RMDN2: variants seen among roughly 807,000 people sequenced by gnomAD.
The protein encoded by RMDN2 is regulator of microtubule dynamics 2, also known as regulator of microtubule dynamics protein 2.
In RMDN2, 61 loss-of-function variants were observed where a neutral mutation model predicts 52.8. The ratio of observed to expected loss-of-function variants is 1.16; its 90% CI spans 0.94 to 1.43. RMDN2 has a LOEUF of 1.43. Ranked by LOEUF, RMDN2 falls within the 40% of genes most tolerant of loss-of-function variation. The pLI is 0.00. For missense variants in RMDN2, 592 were observed against 475.3 expected (o/e 1.25, Z -2.28); for synonymous variants, 180 against 153.1 (o/e 1.18, Z -1.30).
Position 37,929,218 on chromosome 2 carries a change from A to G in RMDN2, c.-16-44A>G, listed in dbSNP as rs995213877. The G allele has an allele frequency of 2.5e-6, 3 of 1,178,190 alleles. No homozygotes were observed. The African/African-American group carries it at 4.7e-5, about 18-fold the overall frequency. 73.0% of individuals were successfully genotyped at this position (1,178,190 alleles called of 1,614,324 possible). ...AGCACCTATATTTTTGTCTTGGACA[A>G]AGACATAAACAACATTCATTTACAT... On this transcript the variant is annotated intron_variant, in intron 1 of 10. Coordinates refer to ENST00000354545, the MANE Select transcript of RMDN2 (RefSeq NM_001170791.3).
chr2:37,924,489 C>G (rs149788287), upstream of RMDN2, among the ~76,000 whole-genome samples: 1,049 of 152,364 alleles, frequency 6.9e-3, 7 homozygotes, highest in Non-Finnish European at 0.011. Flanking sequence ...CTCATCCTCC[C>G]AAGTAGCTGG....
intron 10 of RMDN2, among the ~76,000 whole-genome samples, chr2:38,035,520 A>T (rs1426918787): frequency 2.0e-5 from 3 of 152,204 alleles, no homozygotes; most frequent in African/African-American, 7.2e-5. Flanking sequence ...AACAATACCT[A>T]CCAGATAAGA....
At chr2:38,067,040 G>A (rs1337471287) in exon 11 of RMDN2, 1 of 1,596,734 alleles carries the variant, frequency 6.3e-7, no homozygotes, top group Non-Finnish European at 8.6e-7. Context: ...ATCTGTGAGT[G>A]TGGCACAGTG....
intron 7 of RMDN2, among the ~76,000 whole-genome samples, chr2:37,994,708 C>T (rs943493533): frequency 6.6e-6 from 1 of 151,828 alleles, no homozygotes; most frequent in Non-Finnish European, 1.5e-5. Flanking sequence ...CAAGTACCAG[C>T]GAGGATATAG....
chr2:37,937,504 C>T (rs572797933), intron 2 of RMDN2, among the ~76,000 whole-genome samples: 25 of 152,246 alleles, frequency 1.6e-4, no homozygotes, highest in African/African-American at 6.0e-4. Context: ...GCCATTTTCA[C>T]AATATTGATT....
At chr2:37,990,531 A>G (rs1245299299) in intron 6 of RMDN2, among the ~76,000 whole-genome samples, 1 of 150,600 alleles carries the variant, frequency 6.6e-6, no homozygotes, top group African/African-American at 2.4e-5. Flanking sequence ...AAAAAAAAAA[A>G]AAAAAAAAAA....
intron 6 of RMDN2, among the ~76,000 whole-genome samples, chr2:37,990,717 T>C (rs901346178): frequency 1.3e-5 from 2 of 152,056 alleles, no homozygotes; most frequent in African/African-American, 4.8e-5. Flanking sequence ...AGTATTTGCC[T>C]CCATAGCTCA....
chr2:38,013,048 C>T (rs1315977798), intron 10 of RMDN2, among the ~76,000 whole-genome samples: 3 of 152,172 alleles, frequency 2.0e-5, no homozygotes, highest in Non-Finnish European at 4.4e-5. Context: ...GCTTTACATT[C>T]CCAGAATTTG....
At chr2:38,055,100 ACTCCTT>A (rs1681804910) in intron 10 of RMDN2, among the ~76,000 whole-genome samples, 1 of 151,374 alleles carries the variant, frequency 6.6e-6, no homozygotes, top group South Asian at 2.1e-4. Flanking sequence ...TTCAAATCCC[ACTCCTT>A]CTCTATTTCC....
intron 8 of RMDN2, among the ~76,000 whole-genome samples, chr2:37,999,705 G>A (rs185693566): frequency 1.3e-3 from 191 of 152,098 alleles, no homozygotes; most frequent in South Asian, 3.5e-3. Flanking sequence ...TGCAACCCCC[G>A]GGTCCTACAA....
chr2:38,035,679 T>A (rs921873476), intron 10 of RMDN2, among the ~76,000 whole-genome samples: 12 of 152,096 alleles, frequency 7.9e-5, no homozygotes, highest in Admixed American at 7.2e-4. Context: ...AATAAATGAG[T>A]CCCTGGAAGA....
At chr2:37,991,840 C>G (rs555434005) in intron 7 of RMDN2, among the ~76,000 whole-genome samples, 90 of 152,256 alleles carry the variant, frequency 5.9e-4, no homozygotes, top group African/African-American at 2.1e-3. Flanking sequence ...ATATATAGCT[C>G]AAATAAAAGC....
At chr2:38,049,194 G>C (rs1026597293) in intron 10 of RMDN2, among the ~76,000 whole-genome samples, 3 of 152,202 alleles carry the variant, frequency 2.0e-5, no homozygotes, top group Non-Finnish European at 4.4e-5. Context: ...GAGCAAGTCA[G>C]ACCTGGAAAG....
intron 10 of RMDN2, among the ~76,000 whole-genome samples, chr2:38,006,132 A>G (rs1040658916): frequency 2.6e-5 from 4 of 152,206 alleles, no homozygotes; most frequent in Non-Finnish European, 5.9e-5. Flanking sequence ...GAAGTCTGGT[A>G]GCATGATGCC....
intron 4 of RMDN2, among the ~76,000 whole-genome samples, chr2:37,980,638 A>G (rs969999282): frequency 6.6e-6 from 1 of 152,170 alleles, no homozygotes; most frequent in Admixed American, 6.5e-5. Flanking sequence ...AAATTCCTCT[A>G]AAACTAAGTA....
upstream of RMDN2, among the ~76,000 whole-genome samples, chr2:37,925,000 G>A (rs528647863): frequency 3.3e-5 from 5 of 152,308 alleles, no homozygotes; most frequent in East Asian, 9.7e-4. Flanking sequence ...GGAACGAAGC[G>A]AGCTGGCGGT....
intron 10 of RMDN2, among the ~76,000 whole-genome samples, chr2:38,008,405 A>G (rs563806601): frequency 6.6e-6 from 1 of 152,234 alleles, no homozygotes; most frequent in South Asian, 2.1e-4. Context: ...TTGGGTGCAT[A>G]TATATTTAGG....
rs1432087709 is a variant in RMDN2 at position 37,929,479 on chromosome 2, T to A, written c.202T>A (p.Phe68Ile). Residue 68 changes from phenylalanine (F) to isoleucine (I), a missense_variant, in exon 2 of 11, where the codon TTT becomes ATT. By Grantham distance (21) the Phe-to-Ile change is conservative. Coordinates refer to ENST00000354545, the MANE Select transcript of RMDN2 (RefSeq NM_001170791.3). ...IHDDQGTTVI[F>I]QERQLQILEK... ...TGATGACCAAGGAACAACAGTAATC[T>A]TTCAAGAAAGGCAACTTCAGATACT... is the stretch of plus-strand genomic sequence containing the variant. 1.9e-6 allele frequency: 3 copies of A among 1,551,676 alleles called. No individual in the cohort carries two copies. In the Admixed American group the frequency reaches 5.9e-5, roughly 30 times the overall value.
chr2:37,997,508 C>A lies in RMDN2; in HGVS notation c.1038C>A (p.Phe346Leu), dbSNP rs1218464343. ...SSTVQEALHN[F>L]LKAEELCPGY... ...CTGTACAAGAAGCTTTACACAATTT[C>A]CTTAAGGTACATTTTGTGTATCCAT... is the stretch of plus-strand genomic sequence containing the variant. The change falls in exon 8 of 11, where the codon TTC becomes TTA. Residue 346 changes from phenylalanine to leucine, a missense_variant. Phe to Leu is a conservative substitution (Grantham distance 22). Coordinates refer to ENST00000354545, the MANE Select transcript of RMDN2 (RefSeq NM_001170791.3). The A allele has an allele frequency of 1.9e-6, 3 of 1,595,542 alleles. No individual in the cohort carries two copies. The East Asian group carries it at 6.7e-5, about 36-fold the overall frequency.
Sources: allele counts gnomAD v4.1 joint callset (sites outside exome capture counted in the v4.1 genomes callset), GRCh38; gene constraint gnomAD v4.1.1; transcripts MANE v1.5; gene names NCBI Gene and HGNC (gene_info 2026-07-23, HGNC 2026-07-21).